Variants in TSEN2 observed in about 807,000 individuals in gnomAD.
The protein encoded by TSEN2 is tRNA splicing endonuclease subunit 2, also known as tRNA-splicing endonuclease subunit Sen2.
TSEN2 carries 54 observed loss-of-function variants against 59.2 expected under a neutral mutation model. That is an observed-to-expected ratio of 0.91 (90% CI 0.73 to 1.14). TSEN2 has a LOEUF of 1.14. Among genes scored for constraint, TSEN2 ranks in the 50% most tolerant of loss-of-function variants. TSEN2 has a pLI of 0.00. For missense variants in TSEN2, 636 were observed against 576.2 expected (o/e 1.10, Z -1.06); for synonymous variants, 195 against 198.2 (o/e 0.98, Z 0.14).
Position 12,529,839 on chromosome 3 carries a change from C to T in TSEN2, c.1214C>T (p.Ala405Val). 1.2e-6 allele frequency: 2 copies of T among 1,614,082 alleles called. 1 individual carries two copies. The highest frequency in any genetic ancestry group is 2.2e-5 in the South Asian group (2 of 91,068). The change falls in exon 10 of 12, where the codon GCT (alanine) becomes GTT (valine). Residue 405 changes from alanine (A) to valine (V), a missense_variant. Transcript: ENST00000284995. ...AGGCCTCTCAGTTGGAAGTCCCTGG[C>T]TGCCTTGAGCAGAGTTTCCGTTAAT... The part of the protein sequence containing the change: ...LRRPLSWKSL[A>V]ALSRVSVNVS...
chr3:12,515,889 ATATT>A (rs2056021345), intron 6 of TSEN2, among the ~76,000 whole-genome samples: 1 of 151,730 alleles, frequency 6.6e-6, no homozygotes, highest in African/African-American at 2.4e-5. Flanking sequence ...TTTTGTTGAT[ATATT>A]TTTCTCAATT....
At chr3:12,492,326 C>G (rs1221600926) in intron 3 of TSEN2, 109 bp downstream of exon 3, 2 of 945,634 alleles carry the variant, frequency 2.1e-6, no homozygotes, top group Non-Finnish European at 1.7e-6. Context: ...AACATGTACA[C>G]TGGCAGTTTT....
At position 12,505,204 on chromosome 3, in the gene TSEN2, T is replaced by C; in HGVS notation, c.882T>C (p.Phe294=). 1 of 1,612,274 alleles carries C rather than the reference T, an allele frequency of 6.2e-7. No individual in the cohort carries two copies. The highest frequency in any genetic ancestry group is 2.2e-5 in the East Asian group (1 of 44,856). The stretch of plus-strand genomic sequence containing the variant: ...GCAGAAGAAATCCATATAGGATCTT[T>C]GAGTATTTGCAACTCAGCCTAGAAG... ...LICRRNPYRI[F]EYLQLSLEEA... The change falls in exon 6 of 12, where the codon TTT becomes TTC. Residue 294 remains phenylalanine, a synonymous_variant. Transcript: ENST00000284995.
intron 9 of TSEN2, among the ~76,000 whole-genome samples, chr3:12,529,509 A>G (rs2057327509): frequency 6.6e-6 from 1 of 152,042 alleles, no homozygotes; most frequent in Non-Finnish European, 1.5e-5. Flanking sequence ...GTGCCTAAAC[A>G]GTTGTGTGAA....
chr3:12,527,822 G>A (rs954001322), intron 8 of TSEN2, among the ~76,000 whole-genome samples: 2 of 152,144 alleles, frequency 1.3e-5, no homozygotes, highest in African/African-American at 4.8e-5. Context: ...ATACCTAACT[G>A]TACGGGAGAC....
intron 3 of TSEN2, among the ~76,000 whole-genome samples, chr3:12,492,661 T>C (rs959163585): frequency 1.1e-4 from 16 of 152,366 alleles, no homozygotes; most frequent in East Asian, 5.8e-4. Context: ...GGTAATTACT[T>C]AAGAACCAAT....
chr3:12,490,092 A>C, intron 2 of TSEN2, 103 bp downstream of exon 2: 1 of 1,099,246 alleles, frequency 9.1e-7, no homozygotes, highest in Non-Finnish European at 1.4e-6. Context: ...ACCATGAACA[A>C]TGTGTATTCT....
At chr3:12,487,332 G>A (rs1489235364) in intron 1 of TSEN2, among the ~76,000 whole-genome samples, 1 of 152,214 alleles carries the variant, frequency 6.6e-6, no homozygotes, top group South Asian at 2.1e-4. Flanking sequence ...ACCTGGGTTG[G>A]AGTACAGAGT....
chr3:12,526,722 G>T (rs1005897688), intron 8 of TSEN2, among the ~76,000 whole-genome samples: 1 of 152,176 alleles, frequency 6.6e-6, no homozygotes. Context: ...TAAGGAAATT[G>T]ACATAAAGAG....
chr3:12,486,502 A>G (rs890078551), intron 1 of TSEN2, among the ~76,000 whole-genome samples: 8 of 152,204 alleles, frequency 5.3e-5, no homozygotes, highest in African/African-American at 1.9e-4. Flanking sequence ...TCATTCTTGC[A>G]GGACATGGCC....
At chr3:12,493,740 A>G (rs2053464955) in intron 3 of TSEN2, among the ~76,000 whole-genome samples, 1 of 152,188 alleles carries the variant, frequency 6.6e-6, no homozygotes, top group Non-Finnish European at 1.5e-5. Context: ...ATAAATAAAT[A>G]AATAACAGAG....
In TSEN2 at chr3:12,496,096, C is replaced by T. The variant is rs191773508; in HGVS notation, c.272-422C>T. 4.6e-5 allele frequency among the ~76,000 whole-genome samples: 7 copies of T among 152,364 alleles called. No individual in the cohort carries two copies. The East Asian group carries it at 1.2e-3, about 25-fold the overall frequency. On this transcript the variant is annotated intron_variant, in intron 3 of 11. Coordinates refer to ENST00000284995, the MANE Select transcript of TSEN2 (RefSeq NM_025265.4). ...AAAACCAACACTGCAATCAAGTTCA[C>T]TTTTCCAGCACTTTTGATATACACA...
At chr3:12,497,543 A>G (rs748572165) in intron 4 of TSEN2, among the ~76,000 whole-genome samples, 49 of 152,310 alleles carry the variant, frequency 3.2e-4, no homozygotes, top group Non-Finnish European at 6.6e-4. Context: ...AGAACCTGTC[A>G]GAGCCCTCAG....
chr3:12,500,293 ATTTG>A (rs1332889241), intron 4 of TSEN2, among the ~76,000 whole-genome samples: 1 of 152,104 alleles, frequency 6.6e-6, no homozygotes, highest in African/African-American at 2.4e-5. Flanking sequence ...TGTCTTAGTC[ATTTG>A]TTTGTGTGGC....
At chr3:12,505,515 G>T (rs2054717215) in intron 6 of TSEN2, 2 of 354,958 alleles carry the variant, frequency 5.6e-6, no homozygotes, top group Non-Finnish European at 1.1e-5. Flanking sequence ...TAGGCCGGGT[G>T]CGGGGGCTCA....
At chr3:12,509,776 A>C (rs900505903) in intron 6 of TSEN2, among the ~76,000 whole-genome samples, 7 of 152,224 alleles carry the variant, frequency 4.6e-5, no homozygotes, top group African/African-American at 1.7e-4. Context: ...AGCAGCATTC[A>C]TGCTGAGTGT....
intron 8 of TSEN2, among the ~76,000 whole-genome samples, chr3:12,525,969 A>G (rs1356553053): frequency 6.6e-6 from 1 of 152,174 alleles, no homozygotes; most frequent in Non-Finnish European, 1.5e-5. Flanking sequence ...CAGCTCCGTT[A>G]TAATCTTATG....
chr3:12,487,456 G>A (rs2052734888), intron 1 of TSEN2, among the ~76,000 whole-genome samples: 1 of 152,202 alleles, frequency 6.6e-6, no homozygotes, highest in Admixed American at 6.5e-5. Flanking sequence ...TATTTGTTGA[G>A]AGAATTTATT....
At chr3:12,528,586 G>C (rs2057258311) in intron 8 of TSEN2, among the ~76,000 whole-genome samples, 2 of 152,168 alleles carry the variant, frequency 1.3e-5, no homozygotes, top group Non-Finnish European at 2.9e-5. Context: ...TGCGTGTGGT[G>C]GTGCACGCCT....
Sources: allele counts gnomAD v4.1 joint callset (sites outside exome capture counted in the v4.1 genomes callset), GRCh38; gene constraint gnomAD v4.1.1; transcripts MANE v1.5; gene names NCBI Gene and HGNC (gene_info 2026-07-23, HGNC 2026-07-21).